The following PPFIBP2 variants were observed in gnomAD, a reference collection of about 807,000 sequenced individuals.
PPFIBP2 encodes the protein PPFIB scaffold protein 2, also known as liprin-beta-2.
Under a neutral mutation model 118.3 loss-of-function variants are expected in PPFIBP2, and 118 were observed. That is an observed-to-expected ratio of 1.00 (90% CI 0.86 to 1.16). PPFIBP2 has a LOEUF of 1.16. Ranked by LOEUF, PPFIBP2 falls within the 50% of genes most tolerant of loss-of-function variation. The pLI is 0.00. For synonymous variants in PPFIBP2, 414 were observed against 397.4 expected (o/e 1.04, Z -0.50); for missense variants, 1,195 against 1,073.1 (o/e 1.11, Z -1.59).
chr11:7,604,620 G>T (rs1847119616), intron 5 of PPFIBP2, among the ~76,000 whole-genome samples: 1 of 152,052 alleles, frequency 6.6e-6, no homozygotes, highest in South Asian at 2.1e-4. Context: ...CCATGCATTT[G>T]TCCAGCAAGA....
intron 9 of PPFIBP2, among the ~76,000 whole-genome samples, chr11:7,629,109 T>C (rs928028884): frequency 6.6e-6 from 1 of 152,204 alleles, no homozygotes; most frequent in African/African-American, 2.4e-5. Flanking sequence ...TTTATTTTAG[T>C]CTTTTTTTGT....
At chr11:7,622,447 C>G (rs1217917917) in intron 7 of PPFIBP2, among the ~76,000 whole-genome samples, 7 of 152,122 alleles carry the variant, frequency 4.6e-5, no homozygotes, top group Non-Finnish European at 8.8e-5. Flanking sequence ...GTCTCTGTCT[C>G]TTAATTTTTA....
At chr11:7,525,799 A>G (rs1467207544) in intron 1 of PPFIBP2, among the ~76,000 whole-genome samples, 1 of 152,228 alleles carries the variant, frequency 6.6e-6, no homozygotes, top group African/African-American at 2.4e-5. Flanking sequence ...AGACCTTGGT[A>G]GAGGATCTTT....
intron 6 of PPFIBP2, among the ~76,000 whole-genome samples, chr11:7,618,885 G>GTTTTTTTTTTTTTTTT (rs36101082): frequency 8.0e-6 from 1 of 124,554 alleles, no homozygotes; most frequent in Non-Finnish European, 1.6e-5. Context: ...CCATCCAGAA[G>GTTTTTTTTTTTTTTTT]TTTTTTTTTT....
intron 17 of PPFIBP2, among the ~76,000 whole-genome samples, chr11:7,646,495 A>G (rs1332527790): frequency 6.6e-6 from 1 of 152,256 alleles, no homozygotes; most frequent in African/African-American, 2.4e-5. Context: ...GTCTGTTGTC[A>G]TAGAATATAT....
downstream of PPFIBP2, among the ~76,000 whole-genome samples, chr11:7,660,592 ATTGGTCTAAAATTCTCTTT>A (rs1212434190): frequency 6.6e-6 from 1 of 150,512 alleles, no homozygotes; most frequent in Non-Finnish European, 1.5e-5. Flanking sequence ...CATCAAGGAT[ATTGGTCTAAAATTCTCTTT>A]TTTTGTTGTG....
In PPFIBP2 at chr11:7,630,965, G is replaced by A. The variant is rs377445174; in HGVS notation, c.1005G>A (p.Pro335=). 59 of 1,614,096 alleles carry A rather than the reference G, an allele frequency of 3.7e-5. No homozygotes were observed. The highest frequency in any genetic ancestry group is 3.5e-4 in the African/African-American group (26 of 75,044). The change falls in exon 11 of 24, where the codon CCG becomes CCA. Residue 335 remains proline, a synonymous_variant. Coordinates refer to ENST00000299492, the MANE Select transcript of PPFIBP2 (RefSeq NM_003621.5). ...CTCTCTCAATCAATGAAGAAGAACC[G>A]GAGGGAGGTTTCAGCAAGTGGAACG... ...ERTLSINEEE[P]EGGFSKWNAT... is the part of the protein sequence containing the mutation.
At chr11:7,660,331 C>A (rs1854863680), downstream of PPFIBP2, among the ~76,000 whole-genome samples, 1 of 117,832 alleles carries the variant, frequency 8.5e-6, no homozygotes, top group South Asian at 3.1e-4. Context: ...CCATCAATAC[C>A]TAATTTATTG....
rs768926481 is a variant in PPFIBP2 at position 7,653,250 on chromosome 11, A to C, written c.*32A>C. Reference sequence around the variant, plus strand: ...TGTCACCTGCCCTCTGTGCACCCTGAGAGCTCACAGTAACACTGTGTGTGT... The same window carrying C: ...TGTCACCTGCCCTCTGTGCACCCTGCGAGCTCACAGTAACACTGTGTGTGT... On this transcript the variant is annotated 3_prime_UTR_variant, in exon 24 of 24. Transcript: ENST00000299492. The C allele has an allele frequency of 4.3e-6, 7 of 1,613,160 alleles. No homozygotes were observed. In the South Asian group the frequency reaches 7.7e-5, roughly 18 times the overall value.
intron 4 of PPFIBP2, among the ~76,000 whole-genome samples, chr11:7,594,257 C>T (rs545409787): frequency 1.3e-3 from 188 of 150,122 alleles, no homozygotes; most frequent in Non-Finnish European, 2.3e-3. Context: ...AACACTTCGG[C>T]CTTTTTTCCA....
chr11:7,565,808 G>A (rs768294677), intron 3 of PPFIBP2, 41 bp downstream of exon 3: 4 of 1,600,840 alleles, frequency 2.5e-6, no homozygotes, highest in Non-Finnish European at 3.4e-6. Flanking sequence ...ACTGGGGAAT[G>A]TAATGGTGCA....
At chr11:7,541,134 A>G (rs1033224212) in intron 1 of PPFIBP2, among the ~76,000 whole-genome samples, 2 of 152,334 alleles carry the variant, frequency 1.3e-5, no homozygotes, top group African/African-American at 4.8e-5. Context: ...TCAGTTCCTC[A>G]ACTTTGGTCA....
intron 2 of PPFIBP2, among the ~76,000 whole-genome samples, chr11:7,560,007 A>G (rs1189823119): frequency 6.6e-6 from 1 of 152,138 alleles, no homozygotes; most frequent in African/African-American, 2.4e-5. Flanking sequence ...GCAGTTGAGT[A>G]TGTCCTGTTT....
At chr11:7,543,295 A>C (rs1168942529) in intron 1 of PPFIBP2, among the ~76,000 whole-genome samples, 1 of 152,228 alleles carries the variant, frequency 6.6e-6, no homozygotes, top group Non-Finnish European at 1.5e-5. Context: ...GAGGCCTGTA[A>C]ATTATTGGGA....
At chr11:7,658,008 G>C (rs1052628474), downstream of PPFIBP2, among the ~76,000 whole-genome samples, 65 of 152,248 alleles carry the variant, frequency 4.3e-4, no homozygotes, top group Admixed American at 2.0e-4. Flanking sequence ...GCCAGGGCTA[G>C]AGATACAGGC....
chr11:7,648,583 G>C, intron 18 of PPFIBP2, 46 bp downstream of exon 18: 1 of 1,604,520 alleles, frequency 6.2e-7, no homozygotes, highest in South Asian at 1.1e-5. Flanking sequence ...TCTCCCCAAA[G>C]CATGGGGAGG....
intron 1 of PPFIBP2, among the ~76,000 whole-genome samples, chr11:7,533,896 C>G (rs897139699): frequency 6.6e-6 from 1 of 152,132 alleles, no homozygotes; most frequent in Non-Finnish European, 1.5e-5. Flanking sequence ...CACTGTGAAG[C>G]CGAGGAATGT....
chr11:7,587,603 T>C (rs1858439245), intron 3 of PPFIBP2, among the ~76,000 whole-genome samples: 1 of 152,218 alleles, frequency 6.6e-6, no homozygotes, highest in South Asian at 2.1e-4. Flanking sequence ...ATGCCTCCAG[T>C]CTTTTTCTTG....
intron 14 of PPFIBP2, among the ~76,000 whole-genome samples, chr11:7,638,230 T>C (rs11604514): frequency 0.032 from 4,802 of 152,272 alleles, 105 homozygotes; most frequent in Middle Eastern, 0.092. Context: ...TTACAAGTGC[T>C]CCAGGTAATT....
Sources: allele counts gnomAD v4.1 joint callset (sites outside exome capture counted in the v4.1 genomes callset), GRCh38; gene constraint gnomAD v4.1.1; transcripts MANE v1.5; gene names NCBI Gene and HGNC (gene_info 2026-07-23, HGNC 2026-07-21).